The following PHACTR2 variants were observed in gnomAD, a reference collection of about 807,000 sequenced individuals.
PHACTR2 encodes chromosome 6 open reading frame 56.
A neutral mutation model predicts 76.0 loss-of-function variants in PHACTR2; 30 were observed. The observed-to-expected ratio is 0.39, with a 90% CI of 0.30 to 0.54. The LOEUF (loss-of-function observed/expected upper bound fraction) is 0.54. Among genes scored for constraint, PHACTR2 ranks in the 20% least tolerant of loss-of-function variants. The pLI is 0.61. For synonymous variants in PHACTR2, 292 were observed against 292.5 expected (o/e 1.00, Z 0.02); for missense variants, 696 against 781.1 (o/e 0.89, Z 1.30).
At chr6:143,643,992 G>T (rs1178415694) in intron 1 of PHACTR2, among the ~76,000 whole-genome samples, 1 of 151,830 alleles carries the variant, frequency 6.6e-6, no homozygotes, top group South Asian at 2.1e-4. Context: ...CTACCCCCAG[G>T]GTTTTTAAAT....
In PHACTR2 at chr6:143,695,496, G is replaced by T. The variant is rs1777752482; in HGVS notation, c.47-16520G>T. Among the ~76,000 whole-genome samples, 1 of 152,222 alleles carries T rather than the reference G, an allele frequency of 6.6e-6. No individual in the cohort carries two copies. The highest frequency in any genetic ancestry group is 6.5e-5 in the Admixed American group (1 of 15,286). On this transcript the variant is annotated intron_variant, in intron 1 of 12. Coordinates refer to ENST00000440869, the MANE Select transcript of PHACTR2 (RefSeq NM_001100164.2). The surrounding 1 kb of genome is among the most constrained non-coding windows in gnomAD (Gnocchi z 4.4). Reference sequence around the variant, plus strand: ...CTTACTATAGACAGTGGAAATAACTGATAAGGATTTAATTAATTGCTTGTG... The same window carrying T: ...CTTACTATAGACAGTGGAAATAACTTATAAGGATTTAATTAATTGCTTGTG...
chr6:143,703,182 A>G (rs1350241066), intron 1 of PHACTR2, among the ~76,000 whole-genome samples: 1 of 149,190 alleles, frequency 6.7e-6, no homozygotes, highest in Non-Finnish European at 1.5e-5. Context: ...AAAAAAGAAC[A>G]GGTAACACAA....
rs1776675128 is a variant in PHACTR2 at position 143,647,237 on chromosome 6, TTA to T, written c.13+38916_13+38917del. On this transcript the variant is annotated intron_variant, in intron 1 of 11. Coordinates refer to the PHACTR2 transcript ENST00000305766. The surrounding 1 kb of genome is among the most constrained non-coding windows in gnomAD (Gnocchi z 4.2). ...ATCCCTTTCTGTGATGTAGATAATA[TTA>T]GTCCTATTTTGCAGATGAGGAAACC... Among the ~76,000 whole-genome samples the T allele has an allele frequency of 6.6e-6, 1 of 152,200 alleles. No homozygotes were observed. Among genetic ancestry groups the T allele is most frequent in the South Asian group, 2.1e-4 (1 of 4,830 alleles).
rs1464165780 is a variant in PHACTR2 at position 143,623,910 on chromosome 6, TG to T, written c.13+15591del. On this transcript the variant is annotated intron_variant, in intron 1 of 11. Transcript: ENST00000305766. This position sits in a 1 kb window ranked among gnomAD's most constrained non-coding sequence, Gnocchi z 5.9. ...TTACCATGTATGATGCACAATATTC[TG>T]GGTACACTCAGAGCACCCCCATAAT... Among the ~76,000 whole-genome samples, 2 of 152,222 alleles carry T rather than the reference TG, an allele frequency of 1.3e-5. No homozygotes were observed. The highest frequency in any genetic ancestry group is 4.1e-4 in the South Asian group (2 of 4,826).
At chr6:143,723,710 T>TGA (rs1036251069) in intron 2 of PHACTR2, among the ~76,000 whole-genome samples, 1 of 152,156 alleles carries the variant, frequency 6.6e-6, no homozygotes, top group African/African-American at 2.4e-5. Flanking sequence ...TAGCGGTCAG[T>TGA]GAGAGAAGCA....
upstream of PHACTR2, among the ~76,000 whole-genome samples, chr6:143,603,413 T>TAA (rs540737549): frequency 5.4e-4 from 75 of 139,374 alleles, no homozygotes; most frequent in African/African-American, 1.5e-3. Flanking sequence ...TGCTCTGCCT[T>TAA]AAAAAAAAAA....
At chr6:143,692,105 C>G (rs756539810) in intron 1 of PHACTR2, among the ~76,000 whole-genome samples, 1 of 152,118 alleles carries the variant, frequency 6.6e-6, no homozygotes, top group Non-Finnish European at 1.5e-5. Context: ...GGCCACTGTT[C>G]GTTGCCTAAG....
upstream of PHACTR2, among the ~76,000 whole-genome samples, chr6:143,675,494 G>A (rs1298774318): frequency 6.6e-6 from 1 of 152,162 alleles, no homozygotes; most frequent in Non-Finnish European, 1.5e-5. The surrounding 1 kb of genome is among the most constrained non-coding windows in gnomAD (Gnocchi z 4.9). Context: ...GGTTATTGTA[G>A]GAGTATTTAC....
intron 1 of PHACTR2, among the ~76,000 whole-genome samples, chr6:143,579,358 G>T (rs527695668): frequency 6.6e-6 from 1 of 152,196 alleles, no homozygotes; most frequent in South Asian, 2.1e-4. Context: ...GCCAAGAGAG[G>T]TCCTGGTTGA....
At chr6:143,586,365 A>T (rs1380456473) in intron 1 of PHACTR2, among the ~76,000 whole-genome samples, 1 of 152,262 alleles carries the variant, frequency 6.6e-6, no homozygotes, top group Non-Finnish European at 1.5e-5. Context: ...ATCTATGTGA[A>T]ATCATATAGA....
chr6:143,692,920 G>A (rs1176013605), intron 1 of PHACTR2, among the ~76,000 whole-genome samples: 1 of 152,154 alleles, frequency 6.6e-6, no homozygotes, highest in Non-Finnish European at 1.5e-5. Flanking sequence ...GAGGCTAGAG[G>A]TCTAAGATCA....
Position 143,585,939 on chromosome 6 carries a change from C to T in PHACTR2, c.217+48732C>T, listed in dbSNP as rs780230028. Among the ~76,000 whole-genome samples the T allele has an allele frequency of 3.2e-4, 48 of 152,224 alleles. No homozygotes were observed. Among genetic ancestry groups the T allele is most frequent in the Non-Finnish European group, 5.1e-4 (35 of 68,042 alleles). ...ATTATTTTTCTTCTTTGAAACAATCCATAAACTTTGGAAACACATTATCAT... is the reference window on the plus strand; with the variant it reads ...ATTATTTTTCTTCTTTGAAACAATCTATAAACTTTGGAAACACATTATCAT... On this transcript the variant is annotated intron_variant, in intron 1 of 11. Coordinates refer to the PHACTR2 transcript ENST00000367584. The surrounding 1 kb of genome is among the most constrained non-coding windows in gnomAD (Gnocchi z 5.2).
rs1562239384 is a variant in PHACTR2 at position 143,570,381 on chromosome 6, C to T, written c.217+33174C>T. Among the ~76,000 whole-genome samples, 1 of 152,208 alleles carries T rather than the reference C, an allele frequency of 6.6e-6. No individual in the cohort carries two copies. Among genetic ancestry groups the T allele is most frequent in the Non-Finnish European group, 1.5e-5 (1 of 68,046 alleles). ...ATCTTATGCAGGGTTTGTACTTCGG[C>T]TTCTCTCACTGTGCTGGAGATTAAA... On this transcript the variant is annotated intron_variant, in intron 1 of 11. Coordinates refer to the PHACTR2 transcript ENST00000367584. The surrounding 1 kb of genome is among the most constrained non-coding windows in gnomAD (Gnocchi z 4.6).
At chr6:143,575,636 G>A (rs1179255232) in intron 1 of PHACTR2, among the ~76,000 whole-genome samples, 1 of 152,226 alleles carries the variant, frequency 6.6e-6, no homozygotes, top group Non-Finnish European at 1.5e-5. Context: ...AAAGACAGAT[G>A]TACCTATAAA....
intron 12 of PHACTR2, among the ~76,000 whole-genome samples, chr6:143,813,710 G>A (rs1288206989): frequency 6.6e-6 from 1 of 151,762 alleles, no homozygotes; most frequent in African/African-American, 2.4e-5. Context: ...ATAGAGTGGG[G>A]TTATAGTAAT....
At chr6:143,681,303 T>C (rs1777383524) in intron 1 of PHACTR2, among the ~76,000 whole-genome samples, 1 of 152,174 alleles carries the variant, frequency 6.6e-6, no homozygotes, top group South Asian at 2.1e-4. Flanking sequence ...TCTTAGTAGG[T>C]GTGAAGTTAT....
chr6:143,775,717 A>G lies in PHACTR2; in HGVS notation c.1589+1502A>G, dbSNP rs192704374. ...TATGTTTTACTATGAAGAAGAATGTAAATCATTGAATAATATTTGCATAAA... is the reference window on the plus strand; with the variant it reads ...TATGTTTTACTATGAAGAAGAATGTGAATCATTGAATAATATTTGCATAAA... On this transcript the variant is annotated intron_variant, in intron 8 of 12. Transcript: ENST00000440869. This position sits in a 1 kb window ranked among gnomAD's most constrained non-coding sequence, Gnocchi z 4.4. 1.3e-3 allele frequency among the ~76,000 whole-genome samples: 194 copies of G among 152,382 alleles called. 1 individual carries two copies. Among genetic ancestry groups the G allele is most frequent in the Admixed American group, 0.011 (162 of 15,314 alleles).
rs1776791160 is a variant in PHACTR2 at position 143,653,045 on chromosome 6, G to T, written c.13+44723G>T. Among the ~76,000 whole-genome samples, 1 of 152,242 alleles carries T rather than the reference G, an allele frequency of 6.6e-6. No homozygotes were observed. The highest frequency in any genetic ancestry group is 1.9e-4 in the East Asian group (1 of 5,192). On this transcript the variant is annotated intron_variant, in intron 1 of 11. Coordinates refer to the PHACTR2 transcript ENST00000305766. This position sits in a 1 kb window ranked among gnomAD's most constrained non-coding sequence, Gnocchi z 4.9. Reference sequence around the variant, plus strand: ...CACCCTTGCAAGCTGCAACTGGCAAGAGAATTGTACTTGATGGCACACGGT... The same window carrying T: ...CACCCTTGCAAGCTGCAACTGGCAATAGAATTGTACTTGATGGCACACGGT...
chr6:143,716,707 A>C (rs938452950), intron 2 of PHACTR2, among the ~76,000 whole-genome samples: 3 of 152,178 alleles, frequency 2.0e-5, no homozygotes, highest in African/African-American at 7.2e-5. Context: ...TTACCAAAGG[A>C]CTCAGGACAG....
Sources: allele counts gnomAD v4.1 joint callset (sites outside exome capture counted in the v4.1 genomes callset), GRCh38; gene constraint gnomAD v4.1.1; non-coding constraint Gnocchi (gnomAD v3.1); transcripts MANE v1.5; gene names NCBI Gene and HGNC (gene_info 2026-07-23, HGNC 2026-07-21).